The following CLMN variants were observed in gnomAD, a reference collection of about 807,000 sequenced individuals.
CLMN encodes the protein calmin, also known as calmin (calponin-like, transmembrane).
A neutral mutation model predicts 92.7 loss-of-function variants in CLMN; 57 were observed. That is an observed-to-expected ratio of 0.61 (90% CI 0.50 to 0.77). The LOEUF is 0.77. Ranked by LOEUF, CLMN falls within the 30% of genes least tolerant of loss-of-function variation. The probability of loss-of-function intolerance (pLI) is 0.00; values close to 1 mark genes in which losing one functional copy is unlikely to be tolerated. For synonymous variants in CLMN, 466 were observed against 470.6 expected, an observed-to-expected ratio of 0.99 and a Z score of 0.13; for missense variants, 1,158 against 1,237.5, an observed-to-expected ratio of 0.94 and a Z score of 0.96.
intron 1 of CLMN, among the ~76,000 whole-genome samples, chr14:95,251,092 T>C (rs1263063926): frequency 6.6e-6 from 1 of 152,114 alleles, no homozygotes; most frequent in Non-Finnish European, 1.5e-5. Context: ...TTATTTCCCA[T>C]GTGGTATGGA....
chr14:95,293,336 CCCTCCCTCCCTCCTTCTTTT>C (rs1331015447), intron 1 of CLMN, among the ~76,000 whole-genome samples: 3 of 91,012 alleles, frequency 3.3e-5, no homozygotes, highest in African/African-American at 1.6e-4. Context: ...TTCCTTCCTT[CCCTCCCTCCCTCCTTCTTTT>C]CCTCCCTCCC....
At chr14:95,248,553 T>C (rs10133309) in intron 1 of CLMN, among the ~76,000 whole-genome samples, 21,959 of 152,216 alleles carry the variant, frequency 0.14, 2,764 homozygotes, top group African/African-American at 0.33. Context: ...ACTCATAGCA[T>C]GTCCCAGTAA....
Position 95,217,601 on chromosome 14 carries a change from C to T in CLMN, c.325-1868G>A, listed in dbSNP as rs114229308. 7.5e-3 allele frequency among the ~76,000 whole-genome samples: 1,144 copies of T among 152,368 alleles called. 22 individuals carry two copies. Among genetic ancestry groups the T allele is most frequent in the African/African-American group, 0.026 (1,083 of 41,582 alleles). The stretch of plus-strand genomic sequence containing the variant: ...CAAGTCCTGCATGATGGATCACCCA[C>T]GAGAACTCGCCTGCTCGTCTCCTAA... On this transcript the variant is annotated intron_variant, in intron 4 of 12. Transcript: ENST00000298912.
intron 1 of CLMN, among the ~76,000 whole-genome samples, chr14:95,252,400 G>A (rs1295643680): frequency 1.3e-5 from 2 of 152,254 alleles, no homozygotes; most frequent in East Asian, 1.9e-4. Context: ...AATCTGACAC[G>A]TGGCAGTGAA....
intron 4 of CLMN, among the ~76,000 whole-genome samples, chr14:95,216,142 A>T (rs531826682): frequency 1.3e-5 from 2 of 152,324 alleles, no homozygotes; most frequent in Admixed American, 1.3e-4. Context: ...CCTCACAATC[A>T]TGGTGGAGGG....
chr14:95,300,413 C>T (rs1566921924), intron 1 of CLMN, among the ~76,000 whole-genome samples: 1 of 152,200 alleles, frequency 6.6e-6, no homozygotes, highest in Non-Finnish European at 1.5e-5. Context: ...CGCCCCAGTC[C>T]ATTGCTTCAC....
chr14:95,221,842 G>A (rs1269893257), intron 3 of CLMN, 68 bp from the exon 4 acceptor site: 29 of 1,384,252 alleles, frequency 2.1e-5, no homozygotes, highest in East Asian at 1.6e-4. Context: ...ACCCAGCGGT[G>A]CTGCTGGGTG....
intron 1 of CLMN, among the ~76,000 whole-genome samples, chr14:95,272,986 C>T (rs1030812338): frequency 6.6e-6 from 1 of 152,312 alleles, no homozygotes; most frequent in African/African-American, 2.4e-5. Context: ...CCAAAGCAAA[C>T]AATGCAGTAG....
intron 1 of CLMN, among the ~76,000 whole-genome samples, chr14:95,301,642 G>A (rs1901062062): frequency 6.6e-6 from 1 of 152,178 alleles, no homozygotes; most frequent in African/African-American, 2.4e-5. Context: ...GGATGGACCG[G>A]TCACCTTCCT....
intron 8 of CLMN, 104 bp from the exon 9 acceptor site, chr14:95,204,567 T>C (rs936096425): frequency 1.6e-5 from 17 of 1,071,130 alleles, no homozygotes; most frequent in Middle Eastern, 3.0e-4. Flanking sequence ...GTACAACCCA[T>C]ATCCACCTTT....
intron 7 of CLMN, among the ~76,000 whole-genome samples, 162 bp from the exon 8 acceptor site, chr14:95,209,639 C>G (rs1000763823): frequency 1.7e-4 from 26 of 152,216 alleles, no homozygotes; most frequent in Non-Finnish European, 3.5e-4. Context: ...AATCATTTAA[C>G]TGAAATCTCA....
intron 4 of CLMN, among the ~76,000 whole-genome samples, chr14:95,218,831 G>A (rs1897435599): frequency 1.3e-5 from 2 of 152,240 alleles, no homozygotes; most frequent in Non-Finnish European, 2.9e-5. Context: ...AGGCTTTAAT[G>A]TTCCTTGACT....
Position 95,203,807 on chromosome 14 carries a change from A to G in CLMN, c.1542T>C (p.Ser514=). 1 of 1,614,026 alleles carries G rather than the reference A, an allele frequency of 6.2e-7. No individual in the cohort carries two copies. Among genetic ancestry groups the G allele is most frequent in the South Asian group, 1.1e-5 (1 of 91,070 alleles). ...GACTTTCTTCATCGTGGCGGGCTGT[A>G]CTCTCTAAAGCACCATTACAGGAAG... is the stretch of plus-strand genomic sequence containing the variant. ...QSSSCNGALE[S]TARHDEESHS... The change falls in exon 9 of 13, where the codon AGT becomes AGC. Residue 514 remains serine, a synonymous_variant. Coordinates refer to ENST00000298912, the MANE Select transcript of CLMN (RefSeq NM_024734.4).
intron 1 of CLMN, among the ~76,000 whole-genome samples, chr14:95,237,314 G>A (rs1048106932): frequency 7.9e-5 from 12 of 152,206 alleles, no homozygotes; most frequent in Admixed American, 3.9e-4. Flanking sequence ...AAGTAGACCC[G>A]GCACCTGCAG....
chr14:95,277,048 A>G (rs1899959205), intron 1 of CLMN, among the ~76,000 whole-genome samples: 1 of 152,142 alleles, frequency 6.6e-6, no homozygotes, highest in Non-Finnish European at 1.5e-5. Context: ...AACCTGGCAC[A>G]CTGGCAAAAG....
intron 4 of CLMN, among the ~76,000 whole-genome samples, chr14:95,220,139 T>C (rs1332872720): frequency 6.7e-6 from 1 of 150,038 alleles, no homozygotes; most frequent in Admixed American, 6.6e-5. Flanking sequence ...TTTTTAAGGC[T>C]GAATAATATT....
At chr14:95,201,448 C>T (rs1290796811) in intron 9 of CLMN, among the ~76,000 whole-genome samples, 5 of 151,788 alleles carry the variant, frequency 3.3e-5, no homozygotes, top group African/African-American at 7.3e-5. Context: ...CAATACCCAA[C>T]GGTTAGTACA....
intron 1 of CLMN, among the ~76,000 whole-genome samples, chr14:95,300,048 G>A (rs549212648): frequency 6.6e-6 from 1 of 152,340 alleles, no homozygotes; most frequent in African/African-American, 2.4e-5. Context: ...CGCCTCTACA[G>A]AGCGAGACGC....
intron 9 of CLMN, among the ~76,000 whole-genome samples, chr14:95,201,948 A>G (rs1038579634): frequency 6.6e-6 from 1 of 152,202 alleles, no homozygotes; most frequent in Non-Finnish European, 1.5e-5. Context: ...CATGGTATAT[A>G]TGTACCACAT....
Sources: gnomAD v4.1 joint callset for allele counts (sites outside exome capture counted in the v4.1 genomes callset) on GRCh38, gnomAD v4.1.1 for gene constraint, MANE v1.5 for transcripts, NCBI Gene and HGNC (gene_info 2026-07-23, HGNC 2026-07-21) for gene names.